BCAP31: variants seen among roughly 807,000 people sequenced by gnomAD.
BCAP31 encodes the protein B-cell receptor-associated protein 31.
For missense variants in BCAP31, 124 were observed against 193.0 expected, an observed-to-expected ratio of 0.64 and a Z score of 2.12; for synonymous variants, 75 against 80.9, an observed-to-expected ratio of 0.93 and a Z score of 0.39.
chrX:153,714,447 T>A (rs2091613022), intron 4 of BCAP31, among the ~76,000 whole-genome samples: 1 of 111,415 alleles, frequency 9.0e-6, no homozygotes, highest in African/African-American at 3.3e-5. Flanking sequence ...GACAGCAAGC[T>A]TGTAGATCAA....
At chrX:153,715,805 TC>T in intron 3 of BCAP31, 116 bp from the exon 4 acceptor site, 2 of 896,412 alleles carry the variant, frequency 2.2e-6, no homozygotes, top group Non-Finnish European at 3.2e-6. Flanking sequence ...CAAATCCGCC[TC>T]CCCAGTTCTT....
chrX:153,711,203 A>T (rs2091589337), intron 4 of BCAP31, among the ~76,000 whole-genome samples: 1 of 111,704 alleles, frequency 9.0e-6, no homozygotes, highest in African/African-American at 3.3e-5. Flanking sequence ...CAGAACCAAG[A>T]TCATCTCAGA....
chrX:153,706,069 G>A (rs1285310870), intron 4 of BCAP31, among the ~76,000 whole-genome samples: 1 of 111,558 alleles, frequency 9.0e-6, no homozygotes, highest in Non-Finnish European at 1.9e-5. Flanking sequence ...GTGTGTGTCC[G>A]AAAGCCTGGC....
At chrX:153,718,409 G>A (rs899164869) in intron 3 of BCAP31, among the ~76,000 whole-genome samples, 1 of 110,125 alleles carries the variant, frequency 9.1e-6, no homozygotes. Context: ...ATGGACAGCA[G>A]TCTTATCTCA....
intron 3 of BCAP31, among the ~76,000 whole-genome samples, chrX:153,718,961 G>A (rs1356667142): frequency 8.9e-6 from 1 of 111,792 alleles, no homozygotes; most frequent in Non-Finnish European, 1.9e-5. Context: ...CCCTTCACTA[G>A]TACCTGTGAC....
chrX:153,724,070 C>T (rs2091689758), intron 1 of BCAP31: 1 of 325,487 alleles, frequency 3.1e-6, no homozygotes, highest in African/African-American at 2.7e-5. Flanking sequence ...CCGACTTGGC[C>T]CCGGCCTGGC....
At chrX:153,701,087 C>T (rs1160515537) in intron 7 of BCAP31, 112 bp from the exon 8 acceptor site, 3 of 686,293 alleles carry the variant, frequency 4.4e-6, no homozygotes, top group Non-Finnish European at 4.4e-6. Flanking sequence ...CTCCTAACAA[C>T]AGCTATTCAA....
Position 153,708,446 on chromosome X carries a change from G to A in BCAP31, c.342-4352C>T, listed in dbSNP as rs2091568684. On this transcript the variant is annotated intron_variant, in intron 4 of 7. Transcript: ENST00000345046. ...CACCCCCGGCCCGCCCTGCTGACGG[G>A]TTTCAGGCGAGTCAAGTCATTCAAC... 3.6e-5 allele frequency among the ~76,000 whole-genome samples: 4 copies of A among 112,461 alleles called. No homozygotes were observed. The Admixed American group carries it at 3.7e-4, about 11-fold the overall frequency.
chrX:153,703,048 A>T lies in BCAP31; in HGVS notation c.488T>A (p.Val163Asp). Residue 163 changes from valine to aspartate, a missense_variant, in exon 6 of 8, where the codon GTT (valine) becomes GAT (aspartate). By Grantham distance (152) the Val-to-Asp change is radical. Coordinates refer to ENST00000345046, the MANE Select transcript of BCAP31 (RefSeq NM_001256447.2). ...CCCGACATCCAACTTGCCTCCGTCA[A>T]CAGCAGCTCCCTGGGAAAAGTGCCA... is the stretch of plus-strand genomic sequence containing the variant. ...ENDQLKKGAA[V>D]DGGKLDVGNA... The T allele has an allele frequency of 4.1e-6, 5 of 1,209,925 alleles. No homozygotes were observed. The highest frequency in any genetic ancestry group is 5.6e-6 in the Non-Finnish European group (5 of 895,399).
Position 153,723,778 on chromosome X carries a change from C to T in BCAP31, c.-44-490G>A, listed in dbSNP as rs1209574817. ...CCGCACCTAGTCCAAGCGCTGCCGA[C>T]GCCCCCGCCTCCCACCGTCCCCACG... On this transcript the variant is annotated intron_variant, in intron 1 of 7. Transcript: ENST00000345046. 2.1e-5 allele frequency: 20 copies of T among 931,524 alleles called. No homozygotes were observed. In the Admixed American group the frequency reaches 6.4e-4, roughly 30 times the overall value. The allele number at this position is 931,524 out of a possible 1,213,427, so 76.8% of individuals were successfully genotyped here.
Position 153,702,081 on chromosome X carries a change from G to A in BCAP31, c.628C>T (p.Leu210=). The stretch of plus-strand genomic sequence containing the variant: ...CCCTCAGACTGCTTCCGCATGGCCA[G>A]AACCTGGTTTTCAGCTTTCTCTAGT... The part of the protein sequence containing the change: ...QKLEKAENQV[L]AMRKQSEGLT... Residue 210 remains leucine, a synonymous_variant, in exon 7 of 8, where the codon CTG becomes TTG. Transcript: ENST00000345046. 1 of 1,209,425 alleles carries A rather than the reference G, an allele frequency of 8.3e-7. No homozygotes were observed. The highest frequency in any genetic ancestry group is 1.1e-6 in the Non-Finnish European group (1 of 893,808).
chrX:153,715,722 T>G (rs1023650872), intron 3 of BCAP31, 33 bp from the exon 4 acceptor site: 3 of 1,203,679 alleles, frequency 2.5e-6, no homozygotes, highest in Admixed American at 2.2e-5. Flanking sequence ...CACGGGCATT[T>G]AGCGGACACT....
intron 3 of BCAP31, among the ~76,000 whole-genome samples, chrX:153,718,732 C>T (rs940546859): frequency 8.9e-6 from 1 of 111,760 alleles, no homozygotes; most frequent in Admixed American, 9.5e-5. Flanking sequence ...TCCAGGAACC[C>T]CACCATCCTA....
chrX:153,714,720 G>C (rs1449582027), intron 4 of BCAP31, among the ~76,000 whole-genome samples: 1 of 111,210 alleles, frequency 9.0e-6, no homozygotes, highest in African/African-American at 3.3e-5. Flanking sequence ...TGGTGCTATG[G>C]TCTGAGTGCC....
chrX:153,723,581 G>C, intron 1 of BCAP31: 4 of 1,168,257 alleles, frequency 3.4e-6, no homozygotes, highest in Non-Finnish European at 4.6e-6. Context: ...GGAAGCCCGA[G>C]ATTTCCGACG....
chrX:153,703,019 C>A lies in BCAP31; in HGVS notation c.517G>T (p.Ala173Ser), dbSNP rs782683945. Residue 173 changes from alanine to serine, a missense_variant, in exon 6 of 8, where the codon GCT becomes TCT. Coordinates refer to ENST00000345046, the MANE Select transcript of BCAP31 (RefSeq NM_001256447.2). Reference sequence around the variant, plus strand: ...TTCTCTTCCTCCAACTTCACCTCAGCATTCCCGACATCCAACTTGCCTCCG... The same window carrying A: ...TTCTCTTCCTCCAACTTCACCTCAGAATTCCCGACATCCAACTTGCCTCCG... Reference protein sequence around the residue: ...VDGGKLDVGNAEVKLEEENRS... With the variant: ...VDGGKLDVGNSEVKLEEENRS... 9 of 1,210,114 alleles carry A rather than the reference C, an allele frequency of 7.4e-6. No homozygotes were observed. In the Admixed American group the frequency reaches 2.0e-4, roughly 26 times the overall value.
chrX:153,707,689 G>A, intron 4 of BCAP31, among the ~76,000 whole-genome samples: 1 of 112,332 alleles, frequency 8.9e-6, no homozygotes, highest in South Asian at 3.7e-4. Context: ...TCACTGCCGC[G>A]ACCTGAAGGC....
chrX:153,715,441 G>T, intron 4 of BCAP31, 101 bp downstream of exon 4: 1 of 1,082,945 alleles, frequency 9.2e-7, no homozygotes. Context: ...GACTGAGGAG[G>T]AATCAAAGTC....
Position 153,722,970 on chromosome X carries a change from C to T in BCAP31, c.92+183G>A, listed in dbSNP as rs1233804613. Among the ~76,000 whole-genome samples the T allele has an allele frequency of 2.7e-5, 3 of 110,300 alleles. No individual in the cohort carries two copies. The Admixed American group carries it at 2.9e-4, about 11-fold the overall frequency. ...GGAAAAGGAACTGAGCAAGTCATGA[C>T]GAAGCAGAACCCTGGGAAGGGTTGG... On this transcript the variant is annotated intron_variant, in intron 2 of 7. Coordinates refer to ENST00000345046, the MANE Select transcript of BCAP31 (RefSeq NM_001256447.2).
Sources: gnomAD v4.1 joint callset for allele counts (sites outside exome capture counted in the v4.1 genomes callset) on GRCh38, gnomAD v4.1.1 for gene constraint, MANE v1.5 for transcripts, NCBI Gene and HGNC (gene_info 2026-07-23, HGNC 2026-07-21) for gene names.